Variants in ATP2A1 observed in about 807,000 individuals in gnomAD.
The protein encoded by ATP2A1 is sarcoplasmic/endoplasmic reticulum calcium ATPase 1.
ATP2A1 carries 83 observed loss-of-function variants against 109.5 expected under a neutral mutation model. The ratio of observed to expected loss-of-function variants is 0.76; its 90% CI spans 0.63 to 0.91. The LOEUF is 0.91. Ranked by LOEUF, ATP2A1 falls within the 40% of genes least tolerant of loss-of-function variation. ATP2A1 has a pLI of 0.00. For missense variants in ATP2A1, 1,101 were observed against 1,341.0 expected (o/e 0.82, Z 2.80); for synonymous variants, 505 against 537.6 (o/e 0.94, Z 0.84).
rs974053285 is a variant in ATP2A1, at chr16:28,903,914, G to A, written c.*37+173G>A. The A allele has an allele frequency of 1.2e-4, 95 of 771,856 alleles. No homozygotes were observed. Among genetic ancestry groups the A allele is most frequent in the South Asian group, 1.0e-3 (68 of 65,422 alleles). 47.8% of individuals were successfully genotyped at this position (771,856 alleles called of 1,614,324 possible). A position where few individuals can be genotyped will look rare whatever the true frequency, so the allele number is the denominator to read the frequency against. The stretch of plus-strand genomic sequence containing the variant: ...GTGGGCCGCTGGCCTCCCACTGGGC[G>A]TCAGTTTGGCTCCCAGGCCCTGGGC... On this transcript the variant is annotated intron_variant, in intron 22 of 22. Coordinates refer to ENST00000395503, the MANE Select transcript of ATP2A1 (RefSeq NM_004320.6). The surrounding 1 kb of genome is among the most constrained non-coding windows in gnomAD (Gnocchi z 5.6).
Position 28,894,259 on chromosome 16 carries a change from A to G in ATP2A1, c.1184+16A>G. 1 of 1,610,140 alleles carries G rather than the reference A, an allele frequency of 6.2e-7. No homozygotes were observed. ...AGGGAGAGGTGTAAGTCACCCAGGCATCTTCTCCCCAGCTCCTCACGCCCC... is the reference window on the plus strand; with the variant it reads ...AGGGAGAGGTGTAAGTCACCCAGGCGTCTTCTCCCCAGCTCCTCACGCCCC... On this transcript the variant is annotated intron_variant, in intron 10 of 22. Transcript: ENST00000395503.
chr16:28,879,464 C>T, intron 2 of ATP2A1, 37 bp from the exon 3 acceptor site: 3 of 1,597,326 alleles, frequency 1.9e-6, no homozygotes, highest in Non-Finnish European at 2.6e-6. Context: ...ACCCACTAGA[C>T]CTTAACCCGG....
At chr16:28,889,751 T>C (rs571561539) in intron 9 of ATP2A1, among the ~76,000 whole-genome samples, 1 of 152,328 alleles carries the variant, frequency 6.6e-6, no homozygotes, top group South Asian at 2.1e-4. Context: ...ACACTGACCG[T>C]GAACAGCATT....
chr16:28,878,908 T>G (rs1247105264), intron 1 of ATP2A1, 119 bp downstream of exon 1: 4 of 1,357,466 alleles, frequency 2.9e-6, no homozygotes, highest in Non-Finnish European at 4.2e-6. Context: ...TGGGCCGTTG[T>G]CCAATGCTCG....
intron 15 of ATP2A1, among the ~76,000 whole-genome samples, chr16:28,901,186 A>G (rs1241849471): frequency 6.6e-6 from 1 of 151,726 alleles, no homozygotes; most frequent in African/African-American, 2.4e-5. Flanking sequence ...TTTAAAAATA[A>G]ATTTAGCCTC....
intron 9 of ATP2A1, among the ~76,000 whole-genome samples, chr16:28,893,170 G>C (rs1200236904): frequency 1.3e-5 from 2 of 151,300 alleles, no homozygotes; most frequent in African/African-American, 4.9e-5. Context: ...GATCACTTGA[G>C]CCCAGGAGTT....
rs978609717 is a variant in ATP2A1 at position 28,898,386 on chromosome 16, C to T, written c.1699C>T (p.Arg567Trp). ...DTLRCLALAT[R>W]DTPPKREEMV... ...CCTGCGCTGCTTGGCCCTGGCCACC[C>T]GGGACACCCCCCCGAAGCGAGAGGA... is the stretch of plus-strand genomic sequence containing the variant. The change falls in exon 14 of 23, where the codon CGG becomes TGG. Residue 567 changes from arginine to tryptophan, a missense_variant. Coordinates refer to ENST00000395503, the MANE Select transcript of ATP2A1 (RefSeq NM_004320.6). The surrounding 1 kb of genome is among the most constrained non-coding windows in gnomAD (Gnocchi z 4.0). The T allele has an allele frequency of 3.1e-6, 5 of 1,614,064 alleles. No homozygotes were observed. Among genetic ancestry groups the T allele is most frequent in the Non-Finnish European group, 4.2e-6 (5 of 1,180,048 alleles).
chr16:28,902,718 G>A lies in ATP2A1; in HGVS notation c.2610+53G>A. 6.2e-7 allele frequency: 1 copy of A among 1,613,898 alleles called. No individual in the cohort carries two copies. Among genetic ancestry groups the A allele is most frequent in the Non-Finnish European group, 8.5e-7 (1 of 1,179,888 alleles). On this transcript the variant is annotated intron_variant, in intron 18 of 22. Transcript: ENST00000395503. This position sits in a 1 kb window ranked among gnomAD's most constrained non-coding sequence, Gnocchi z 4.8. ...CAGGAGGGTGTGGGGATGCAGGAGG[G>A]TACCAGGAGGGTGGCATGGAGGTGG... is the stretch of plus-strand genomic sequence containing the variant.
At chr16:28,890,262 C>G (rs1048904270) in intron 9 of ATP2A1, among the ~76,000 whole-genome samples, 2 of 144,584 alleles carry the variant, frequency 1.4e-5, no homozygotes, top group African/African-American at 5.1e-5. Flanking sequence ...CGAGACCAGC[C>G]TAAGCAACAT....
At chr16:28,891,309 A>G (rs955951261) in intron 9 of ATP2A1, among the ~76,000 whole-genome samples, 1 of 151,154 alleles carries the variant, frequency 6.6e-6, no homozygotes, top group African/African-American at 2.4e-5. Flanking sequence ...AAAAAAATAT[A>G]AAAGACCTGA....
intron 12 of ATP2A1, among the ~76,000 whole-genome samples, chr16:28,896,400 G>C (rs910908387): frequency 1.3e-4 from 20 of 149,228 alleles, no homozygotes; most frequent in Non-Finnish European, 2.4e-4. Flanking sequence ...CTAACTTTCT[G>C]TATTTTTAGT....
rs758371761 is a variant in ATP2A1 at position 28,894,941 on chromosome 16, C to G, written c.1407C>G (p.Asn469Lys). 6.2e-7 allele frequency: 1 copy of G among 1,611,912 alleles called. No homozygotes were observed. The highest frequency in any genetic ancestry group is 8.5e-7 in the Non-Finnish European group (1 of 1,180,016). Residue 469 changes from asparagine to lysine, a missense_variant, in exon 12 of 23, where the codon AAC (asparagine) becomes AAG (lysine). Transcript: ENST00000395503. ...GCCTCTCGAAGGTGGAGAGAGCCAACGCCTGCAACTCGGTGAGCCTGCGGA... is the reference window on the plus strand; with the variant it reads ...GCCTCTCGAAGGTGGAGAGAGCCAAGGCCTGCAACTCGGTGAGCCTGCGGA... Reference protein sequence around the residue: ...VRSLSKVERANACNSVIRQLM... With the variant: ...VRSLSKVERAKACNSVIRQLM...
rs1232981346 is a variant in ATP2A1, at chr16:28,903,230, C to A, written c.2862+83C>A. 31 of 1,579,488 alleles carry A rather than the reference C, an allele frequency of 2.0e-5. No homozygotes were observed. The highest frequency in any genetic ancestry group is 2.6e-5 in the Non-Finnish European group (30 of 1,150,014). On this transcript the variant is annotated intron_variant, in intron 20 of 22. Coordinates refer to ENST00000395503, the MANE Select transcript of ATP2A1 (RefSeq NM_004320.6). The surrounding 1 kb of genome is among the most constrained non-coding windows in gnomAD (Gnocchi z 5.6). ...CCATGACCACTCCCACCAGGGGCGC[C>A]GATGTGGGAGGCTGGTGGGAGTGGG...
chr16:28,887,802 T>G (rs964208852), intron 8 of ATP2A1, 80 bp downstream of exon 8: 2 of 1,556,740 alleles, frequency 1.3e-6, no homozygotes, highest in East Asian at 2.2e-5. Context: ...CTTTTCTTTT[T>G]TTCTTTTTTG....
chr16:28,904,230 A>G lies in ATP2A1; in HGVS notation c.*88A>G, dbSNP rs1262551320. ...AGCATCCTTTTGCTCTGTCCTCCCC[A>G]CCCCGATAGTGACACATCTTCAGGC... On this transcript the variant is annotated 3_prime_UTR_variant, in exon 23 of 23. Coordinates refer to ENST00000395503, the MANE Select transcript of ATP2A1 (RefSeq NM_004320.6). 1.9e-6 allele frequency: 3 copies of G among 1,613,204 alleles called. No individual in the cohort carries two copies. The highest frequency in any genetic ancestry group is 8.5e-7 in the Non-Finnish European group (1 of 1,179,688).
At chr16:28,879,066 T>A in intron 1 of ATP2A1, 33 bp from the exon 2 acceptor site, 2 of 1,614,070 alleles carry the variant, frequency 1.2e-6, no homozygotes. Flanking sequence ...GAACCCCAAA[T>A]GAATCTGTCC....
intron 12 of ATP2A1, among the ~76,000 whole-genome samples, chr16:28,896,475 C>A (rs1963920428): frequency 6.9e-6 from 1 of 144,022 alleles, no homozygotes. Flanking sequence ...TGCAGTGGGG[C>A]CATCTCGGCT....
At chr16:28,879,909 C>G (rs1178805790) in intron 3 of ATP2A1, 1 of 794,272 alleles carries the variant, frequency 1.3e-6, no homozygotes, top group Middle Eastern at 5.1e-4. Flanking sequence ...CCGGCTGCGG[C>G]GCGGGGGGCC....
At chr16:28,882,950 A>T (rs1963527145) in intron 5 of ATP2A1, among the ~76,000 whole-genome samples, 1 of 152,128 alleles carries the variant, frequency 6.6e-6, no homozygotes, top group African/African-American at 2.4e-5. Flanking sequence ...AAGCTTGGTC[A>T]GCTTTCAGTC....
Sources: allele counts gnomAD v4.1 joint callset (sites outside exome capture counted in the v4.1 genomes callset), GRCh38; gene constraint gnomAD v4.1.1; non-coding constraint Gnocchi (gnomAD v3.1); transcripts MANE v1.5; gene names NCBI Gene and HGNC (gene_info 2026-07-23, HGNC 2026-07-21).